Variants in TNFRSF10D observed in about 807,000 individuals in gnomAD.
The protein encoded by TNFRSF10D is tumor necrosis factor receptor superfamily member 10D.
In TNFRSF10D, 28 loss-of-function variants were observed where a neutral mutation model predicts 42.1. The ratio of observed to expected loss-of-function variants is 0.66; its 90% CI spans 0.49 to 0.91. The LOEUF (loss-of-function observed/expected upper bound fraction) is 0.91, where lower values mean the gene tolerates loss of function less well. Among genes scored for constraint, TNFRSF10D ranks in the 40% least tolerant of loss-of-function variants. The pLI, the probability that TNFRSF10D is intolerant of heterozygous loss-of-function variation, is 0.00. For missense variants in TNFRSF10D, 503 were observed against 486.1 expected (o/e 1.03, Z -0.33); for synonymous variants, 186 against 189.4 (o/e 0.98, Z 0.15).
intron 1 of TNFRSF10D, among the ~76,000 whole-genome samples, chr8:23,155,710 A>C (rs1274458854): frequency 2.0e-5 from 3 of 151,390 alleles, no homozygotes; most frequent in Non-Finnish European, 4.4e-5. Flanking sequence ...AAAAAAAAAA[A>C]CAAAAAACAA....
At position 23,135,779 on chromosome 8, in the gene TNFRSF10D, C is replaced by A; in HGVS notation, c.*2091G>T. ...GGAATAAGCTTAAACACTGATAAGG[C>A]TGGTAGTCTAGATGCATCTTCAAGG... On this transcript the variant is annotated 3_prime_UTR_variant, in exon 9 of 9. Transcript: ENST00000312584. 2.4e-6 allele frequency: 1 copy of A among 418,408 alleles called. No individual in the cohort carries two copies. Among genetic ancestry groups the A allele is most frequent in the South Asian group, 1.7e-5 (1 of 57,646 alleles). 25.9% of individuals were successfully genotyped at this position (418,408 alleles called of 1,614,324 possible).
At chr8:23,160,072 G>A (rs1206539291) in intron 1 of TNFRSF10D, among the ~76,000 whole-genome samples, 2 of 152,240 alleles carry the variant, frequency 1.3e-5, no homozygotes, top group South Asian at 2.1e-4. Context: ...GGAGGAGGGG[G>A]AGGCAATGGT....
intron 5 of TNFRSF10D, 106 bp from the exon 6 acceptor site, chr8:23,145,195 A>G: frequency 6.9e-7 from 1 of 1,446,226 alleles, no homozygotes; most frequent in Non-Finnish European, 9.5e-7. Context: ...GACACTGGAC[A>G]AGGAGCCCTG....
Position 23,138,087 on chromosome 8 carries a change from G to A in TNFRSF10D, c.1028-84C>T, listed in dbSNP as rs1814370980. ...GACATGGGGCCCCCTGCTTCCAGCA[G>A]TGAAACCTCCAGAAGAGCCCTCTCA... is the stretch of plus-strand genomic sequence containing the variant. On this transcript the variant is annotated intron_variant, in intron 8 of 8. Coordinates refer to ENST00000312584, the MANE Select transcript of TNFRSF10D (RefSeq NM_003840.5). The A allele has an allele frequency of 6.2e-6, 10 of 1,608,674 alleles. No homozygotes were observed. The South Asian group carries it at 7.7e-5, about 12-fold the overall frequency.
rs780772842 is a variant in TNFRSF10D, at chr8:23,145,790, ATCCCCAGGATGGTGGTCACTGTCTCC to A, written c.588_613del (p.Glu196AspfsTer78). 6.2e-7 allele frequency: 1 copy of A among 1,614,144 alleles called. No individual in the cohort carries two copies. The highest frequency in any genetic ancestry group is 2.2e-5 in the East Asian group (1 of 44,882). ...AAGGTAGTGATAGGGAGAGGCAAGC[ATCCCCAGGATGGTGGTCACTGTCTCC>A]TCCGCTGCTGGGGTTTTCCCAGTGG... is the stretch of plus-strand genomic sequence containing the variant. On this transcript the variant is annotated frameshift_variant, in exon 5 of 9. Transcript: ENST00000312584. LOFTEE classifies it high-confidence loss of function.
chr8:23,142,140 A>T (rs1285498419), intron 7 of TNFRSF10D, among the ~76,000 whole-genome samples: 1 of 152,124 alleles, frequency 6.6e-6, no homozygotes, highest in East Asian at 1.9e-4. Flanking sequence ...GTATGGTGGC[A>T]CATGCCTGTA....
intron 1 of TNFRSF10D, among the ~76,000 whole-genome samples, 155 bp from the exon 2 acceptor site, chr8:23,155,134 C>T (rs1800258542): frequency 6.6e-6 from 1 of 152,218 alleles, no homozygotes; most frequent in South Asian, 2.1e-4. Flanking sequence ...CCGTGTTTGT[C>T]CCCTGGCCTG....
chr8:23,145,200 G>GC (rs1800097690), intron 5 of TNFRSF10D, 111 bp from the exon 6 acceptor site: 17 of 1,398,574 alleles, frequency 1.2e-5, no homozygotes. Flanking sequence ...TGGACAAGGA[G>GC]CCCTGGGGCT....
rs184791832 is a variant in TNFRSF10D at position 23,138,801 on chromosome 8, A to G, written c.955-541T>C. ...AGACATTTGGTAAAATTAAACAGCAATTCTGATTTTTTTCAAACCCTTTTA... is the reference window on the plus strand; with the variant it reads ...AGACATTTGGTAAAATTAAACAGCAGTTCTGATTTTTTTCAAACCCTTTTA... On this transcript the variant is annotated intron_variant, in intron 7 of 8. Coordinates refer to ENST00000312584, the MANE Select transcript of TNFRSF10D (RefSeq NM_003840.5). Among the ~76,000 whole-genome samples, 247 of 152,358 alleles carry G rather than the reference A, an allele frequency of 1.6e-3. 1 individual carries two copies. The highest frequency in any genetic ancestry group is 2.9e-3 in the Admixed American group (45 of 15,306).
chr8:23,162,574 A>T (rs4872067), intron 1 of TNFRSF10D, among the ~76,000 whole-genome samples: 24,719 of 151,752 alleles, frequency 0.16, 2,734 homozygotes, highest in East Asian at 0.58. Flanking sequence ...TCAGTCACTC[A>T]GAAAAAGTCC....
At chr8:23,152,664 G>A (rs150869249) in intron 2 of TNFRSF10D, among the ~76,000 whole-genome samples, 946 of 152,288 alleles carry the variant, frequency 6.2e-3, no homozygotes, top group African/African-American at 0.019. Flanking sequence ...AAATAAATTT[G>A]TGACAGAGGT....
chr8:23,152,504 G>A (rs115469841), intron 2 of TNFRSF10D, among the ~76,000 whole-genome samples: 944 of 152,242 alleles, frequency 6.2e-3, no homozygotes, highest in African/African-American at 0.019. Context: ...GTTGGGTTTG[G>A]GGTCAGGGAG....
chr8:23,163,132 T>C (rs948383807), intron 1 of TNFRSF10D, among the ~76,000 whole-genome samples: 2 of 129,296 alleles, frequency 1.5e-5, no homozygotes, highest in Non-Finnish European at 3.1e-5. Flanking sequence ...GGAGTCTCGC[T>C]CTTGTTGACC....
Position 23,145,092 on chromosome 8 carries a change from G to A in TNFRSF10D, c.737-3C>T, listed in dbSNP as rs1379890987. ...ACGTTCGGGACCTCCTCCACCACCT[G>A]GAAAAGAAGCAGTCTCCTGAGCAGG... On this transcript the variant is annotated splice_polypyrimidine_tract_variant and splice_region_variant and intron_variant, in intron 5 of 8. Coordinates refer to ENST00000312584, the MANE Select transcript of TNFRSF10D (RefSeq NM_003840.5). 2.5e-6 allele frequency: 4 copies of A among 1,614,090 alleles called. No homozygotes were observed. Among genetic ancestry groups the A allele is most frequent in the Non-Finnish European group, 3.4e-6 (4 of 1,180,004 alleles).
At chr8:23,141,809 A>C (rs1800023638) in intron 7 of TNFRSF10D, among the ~76,000 whole-genome samples, 1 of 152,246 alleles carries the variant, frequency 6.6e-6, no homozygotes, top group South Asian at 2.1e-4. Flanking sequence ...TTAAAAAGCC[A>C]GTAACAGTAA....
At chr8:23,153,428 G>A (rs956655682) in intron 2 of TNFRSF10D, among the ~76,000 whole-genome samples, 2 of 152,152 alleles carry the variant, frequency 1.3e-5, no homozygotes, top group African/African-American at 2.4e-5. Flanking sequence ...ACAGAGTGAC[G>A]AGACAACATA....
At chr8:23,156,699 G>A (rs192254351) in intron 1 of TNFRSF10D, among the ~76,000 whole-genome samples, 2 of 152,038 alleles carry the variant, frequency 1.3e-5, no homozygotes, top group African/African-American at 4.8e-5. Context: ...AAGTGGCCGG[G>A]ACCACAGACA....
At chr8:23,146,890 T>C (rs1800128191) in intron 4 of TNFRSF10D, 71 bp downstream of exon 4, 3 of 1,290,932 alleles carry the variant, frequency 2.3e-6, no homozygotes, top group African/African-American at 1.5e-5. Flanking sequence ...AGCGGAGAGA[T>C]AGAGGTACCA....
At chr8:23,158,571 T>C (rs115298691) in intron 1 of TNFRSF10D, among the ~76,000 whole-genome samples, 940 of 152,188 alleles carry the variant, frequency 6.2e-3, no homozygotes, top group African/African-American at 0.019. Flanking sequence ...GCAATAATTG[T>C]TAGTCAAAAT....
Sources: allele counts gnomAD v4.1 joint callset (sites outside exome capture counted in the v4.1 genomes callset), GRCh38; gene constraint gnomAD v4.1.1; transcripts MANE v1.5; gene names NCBI Gene and HGNC (gene_info 2026-07-23, HGNC 2026-07-21).